Variants in THSD7B observed in about 807,000 individuals in gnomAD.
THSD7B encodes the protein thrombospondin type-1 domain-containing protein 7B.
In THSD7B, 138 loss-of-function variants were observed where a neutral mutation model predicts 213.6. The ratio of observed to expected loss-of-function variants is 0.65; its 90% CI spans 0.56 to 0.74. The LOEUF (loss-of-function observed/expected upper bound fraction) is 0.74. THSD7B is among the 30% of genes least tolerant of loss of function. The pLI is 0.00. For synonymous variants in THSD7B, 742 were observed against 687.0 expected, an observed-to-expected ratio of 1.08 and a Z score of -1.25; for missense variants, 1,931 against 1,991.5, an observed-to-expected ratio of 0.97 and a Z score of 0.58.
At chr2:137,328,771 G>C (rs549869881) in intron 12 of THSD7B, among the ~76,000 whole-genome samples, 1 of 152,268 alleles carries the variant, frequency 6.6e-6, no homozygotes, top group South Asian at 2.1e-4. Flanking sequence ...TGCTATTCTC[G>C]TGATAGTAAG....
intron 5 of THSD7B, among the ~76,000 whole-genome samples, chr2:137,152,314 C>T (rs1351440361): frequency 6.6e-6 from 1 of 152,092 alleles, no homozygotes; most frequent in Non-Finnish European, 1.5e-5. Context: ...TCTCATTTCA[C>T]ATATTTTTTG....
intron 16 of THSD7B, 148 bp from the exon 17 acceptor site, chr2:137,572,258 A>G (rs1681368887): frequency 2.3e-6 from 2 of 877,996 alleles, no homozygotes; most frequent in South Asian, 1.8e-5. Flanking sequence ...CTGACTGACT[A>G]AAGGAGGAAA....
intron 15 of THSD7B, among the ~76,000 whole-genome samples, chr2:137,520,059 A>T (rs896382099): frequency 1.3e-5 from 2 of 152,184 alleles, no homozygotes; most frequent in African/African-American, 4.8e-5. Flanking sequence ...AAAGGTAAAG[A>T]CTTCCCATTT....
intron 10 of THSD7B, among the ~76,000 whole-genome samples, chr2:137,249,869 C>G (rs1682131020): frequency 6.6e-6 from 1 of 152,194 alleles, no homozygotes; most frequent in South Asian, 2.1e-4. Flanking sequence ...ACCTTTATTG[C>G]AGGCTTTGCA....
intron 3 of THSD7B, among the ~76,000 whole-genome samples, chr2:137,066,261 G>A (rs918080631): frequency 4.8e-5 from 7 of 145,004 alleles, no homozygotes; most frequent in Admixed American, 2.1e-4. Flanking sequence ...GCATAATCTC[G>A]GCTCACTGCA....
chr2:136,809,479 T>C (rs147883346), intron 1 of THSD7B, among the ~76,000 whole-genome samples: 31 of 152,220 alleles, frequency 2.0e-4, no homozygotes, highest in Non-Finnish European at 3.2e-4. Context: ...CCAAATTTAA[T>C]GTGCCATGAC....
chr2:137,282,009 T>C (rs573569038), intron 12 of THSD7B, among the ~76,000 whole-genome samples: 14 of 151,790 alleles, frequency 9.2e-5, no homozygotes, highest in East Asian at 5.8e-4. Flanking sequence ...AACTAGTTTA[T>C]AGTCCCACCA....
chr2:136,798,771 C>CA (rs1682117260), intron 1 of THSD7B, among the ~76,000 whole-genome samples: 1 of 151,930 alleles, frequency 6.6e-6, no homozygotes, highest in African/African-American at 2.4e-5. Context: ...TTAGTTAAAA[C>CA]AAAAAAACCA....
chr2:136,984,488 C>T (rs746073043), intron 2 of THSD7B, among the ~76,000 whole-genome samples: 26 of 152,176 alleles, frequency 1.7e-4, no homozygotes, highest in Admixed American at 1.7e-3. Context: ...CCTAGCTTTG[C>T]CCTTTGCTTC....
Position 137,170,838 on chromosome 2 carries a change from G to A in THSD7B, c.1623G>A (p.Met541Ile). 1 of 1,613,710 alleles carries A rather than the reference G, an allele frequency of 6.2e-7. No homozygotes were observed. The change falls in exon 7 of 28, where the codon ATG (methionine) becomes ATA (isoleucine). Residue 541 changes from methionine to isoleucine, a missense_variant. Coordinates refer to ENST00000409968, the MANE Select transcript of THSD7B (RefSeq NM_001316349.2). ...LVESVPCEDP[M>I]CYRWLASEGI... ...AGTCTGTTCCTTGTGAGGATCCAAT[G>A]TGCTACCGATGGCTGGCATCAGAAG...
Position 137,231,200 on chromosome 2 carries a change from C to A in THSD7B, c.1880C>A (p.Thr627Asn). ...CSNKNSDGKQ[T>N]RSRTILALAG... Reference sequence around the variant, plus strand: ...AATAAAAACTCAGATGGGAAACAGACCAGGTCAAGAACTATCCTGGCACTG... The same window carrying A: ...AATAAAAACTCAGATGGGAAACAGAACAGGTCAAGAACTATCCTGGCACTG... Residue 627 changes from threonine (T) to asparagine (N), a missense_variant, in exon 8 of 28, where the codon ACC (threonine) becomes AAC (asparagine). Thr to Asn is a moderately conservative substitution (Grantham distance 65, BLOSUM62 0). Transcript: ENST00000409968. 6.2e-7 allele frequency: 1 copy of A among 1,612,634 alleles called. No homozygotes were observed. Among genetic ancestry groups the A allele is most frequent in the Non-Finnish European group, 8.5e-7 (1 of 1,179,234 alleles).
At chr2:136,802,365 C>T (rs1682197904) in intron 1 of THSD7B, among the ~76,000 whole-genome samples, 2 of 151,778 alleles carry the variant, frequency 1.3e-5, no homozygotes, top group African/African-American at 4.8e-5. Flanking sequence ...AGGAAAGCTA[C>T]ACTGTAGAGA....
intron 23 of THSD7B, 39 bp from the exon 24 acceptor site, chr2:137,657,026 G>A: frequency 6.2e-7 from 1 of 1,613,256 alleles, no homozygotes; most frequent in Non-Finnish European, 8.5e-7. Context: ...TATTCTAAGT[G>A]AGGTGTAATA....
chr2:137,065,308 G>T (rs2104885616), intron 3 of THSD7B, among the ~76,000 whole-genome samples: 1 of 151,914 alleles, frequency 6.6e-6, no homozygotes, highest in East Asian at 1.9e-4. Flanking sequence ...TTCTTTTTAA[G>T]ATTGTTAGCT....
intron 1 of THSD7B, among the ~76,000 whole-genome samples, chr2:136,830,750 A>G (rs1476550718): frequency 6.6e-6 from 1 of 152,144 alleles, no homozygotes; most frequent in African/African-American, 2.4e-5. Context: ...CATTGTCTGT[A>G]TCATTGTCAT....
At chr2:137,573,064 A>T (rs1573717626) in intron 17 of THSD7B, among the ~76,000 whole-genome samples, 1 of 79,740 alleles carries the variant, frequency 1.3e-5, no homozygotes, top group Non-Finnish European at 2.8e-5. Flanking sequence ...AAAATACCTT[A>T]AAAAAAAAAA....
intron 1 of THSD7B, among the ~76,000 whole-genome samples, chr2:136,823,535 T>A (rs1558816822): frequency 6.6e-6 from 1 of 151,738 alleles, no homozygotes; most frequent in Non-Finnish European, 1.5e-5. Flanking sequence ...ACCCTTTAAC[T>A]TTTTTTTTCA....
chr2:137,479,415 G>A (rs1172007431), intron 15 of THSD7B: 8 of 306,702 alleles, frequency 2.6e-5, no homozygotes. Flanking sequence ...GCTTCCCAGT[G>A]GTGCATGCAG....
chr2:136,924,563 A>C (rs528021978), intron 2 of THSD7B, among the ~76,000 whole-genome samples: 4 of 152,204 alleles, frequency 2.6e-5, no homozygotes, highest in South Asian at 4.1e-4. Flanking sequence ...TGCTAATGCT[A>C]TGCTATTTTA....
Sources: allele counts gnomAD v4.1 joint callset (sites outside exome capture counted in the v4.1 genomes callset), GRCh38; gene constraint gnomAD v4.1.1; transcripts MANE v1.5; gene names NCBI Gene and HGNC (gene_info 2026-07-23, HGNC 2026-07-21).